The following SLC38A1 variants were observed in gnomAD, a reference collection of about 807,000 sequenced individuals.
The protein encoded by SLC38A1 is solute carrier family 38 member 1.
Under a neutral mutation model 60.3 loss-of-function variants are expected in SLC38A1, and 18 were observed. The observed-to-expected ratio is 0.30, with a 90% CI of 0.21 to 0.44. SLC38A1 has a LOEUF of 0.44. Among genes scored for constraint, SLC38A1 ranks in the 20% least tolerant of loss-of-function variants. The pLI is 1.00. For missense variants in SLC38A1, 448 were observed against 587.2 expected (o/e 0.76, Z 2.45); for synonymous variants, 196 against 212.1 (o/e 0.92, Z 0.66).
At chr12:46,191,386 T>C (rs1333708166) in intron 16 of SLC38A1, among the ~76,000 whole-genome samples, 3 of 152,244 alleles carry the variant, frequency 2.0e-5, no homozygotes, top group Non-Finnish European at 4.4e-5. Flanking sequence ...CAGCTTGTTC[T>C]TTTTGCATAG....
intron 6 of SLC38A1, 93 bp downstream of exon 6, chr12:46,208,961 A>G: frequency 1.2e-6 from 1 of 857,406 alleles, no homozygotes; most frequent in Non-Finnish European, 1.9e-6. Flanking sequence ...TAATAATCAA[A>G]TTGCTGTACA....
At chr12:46,196,184 C>A (rs1489709612) in intron 16 of SLC38A1, 11 of 1,535,962 alleles carry the variant, frequency 7.2e-6, no homozygotes, top group Non-Finnish European at 9.6e-6. Flanking sequence ...GTTCCTTGCG[C>A]TTGAGCATGT....
At chr12:46,204,154 C>T in intron 11 of SLC38A1, 147 bp downstream of exon 11, 1 of 654,388 alleles carries the variant, frequency 1.5e-6, no homozygotes, top group East Asian at 2.6e-5. Flanking sequence ...TCTCAAGGAT[C>T]TCTACATAGA....
At position 46,226,836 on chromosome 12, in the gene SLC38A1, G is replaced by A. The variant is rs149743398; in HGVS notation, c.314+2317C>T. On this transcript the variant is annotated intron_variant, in intron 5 of 16. Transcript: ENST00000398637. ...TTCACCATGTTGGCAAGGCTGGCCA[G>A]GCTGGTCTCAAACTGCCAGGTGATC... Among the ~76,000 whole-genome samples the A allele has an allele frequency of 1.6e-3, 243 of 152,126 alleles. 1 individual carries two copies. Among genetic ancestry groups the A allele is most frequent in the African/African-American group, 5.7e-3 (236 of 41,488 alleles).
intron 3 of SLC38A1, among the ~76,000 whole-genome samples, chr12:46,233,617 T>C (rs539212680): frequency 2.6e-5 from 4 of 152,250 alleles, no homozygotes; most frequent in African/African-American, 2.4e-5. Flanking sequence ...GGTCAAACAT[T>C]GTACAGTTGA....
At position 46,184,228 on chromosome 12, in the gene SLC38A1, C is replaced by T. The variant is rs1246547262; in HGVS notation, c.*4742G>A. ...TAGTTTTTAGTTGTTAGACACCCCA[C>T]CTTCAGCTTGTACCTGAAAGCTTTA... On this transcript the variant is annotated 3_prime_UTR_variant, in exon 17 of 17. Coordinates refer to ENST00000398637, the MANE Select transcript of SLC38A1 (RefSeq NM_030674.4). 2 of 152,280 alleles carry T rather than the reference C, an allele frequency of 1.3e-5. No homozygotes were observed. Among genetic ancestry groups the T allele is most frequent in the African/African-American group, 2.4e-5 (1 of 41,446 alleles). 9.4% of individuals were successfully genotyped at this position (152,280 alleles called of 1,614,324 possible).
At chr12:46,198,178 T>G in intron 14 of SLC38A1, 118 bp from the exon 15 acceptor site, 4 of 1,093,206 alleles carry the variant, frequency 3.7e-6, no homozygotes, top group Non-Finnish European at 5.2e-6. Context: ...TTGTAATGCC[T>G]AGTGAATTTA....
At chr12:46,255,132 A>G (rs1478735838) in intron 1 of SLC38A1, among the ~76,000 whole-genome samples, 1 of 152,236 alleles carries the variant, frequency 6.6e-6, no homozygotes, top group East Asian at 1.9e-4. Context: ...CTTGCATTTT[A>G]GAACATCTGT....
At chr12:46,245,678 G>A (rs1941591832) in intron 1 of SLC38A1, among the ~76,000 whole-genome samples, 1 of 152,126 alleles carries the variant, frequency 6.6e-6, no homozygotes, top group African/African-American at 2.4e-5. Flanking sequence ...AGCCTGGGGA[G>A]GTCAAGACTC....
intron 12 of SLC38A1, among the ~76,000 whole-genome samples, chr12:46,202,202 AAAT>A (rs144451047): frequency 0.39 from 56,181 of 143,778 alleles, 11,905 homozygotes; most frequent in African/African-American, 0.63. Context: ...AAAAAAAAAA[AAAT>A]AAATAAAGAA....
intron 2 of SLC38A1, among the ~76,000 whole-genome samples, chr12:46,242,778 G>A (rs1405866517): frequency 6.6e-6 from 1 of 151,898 alleles, no homozygotes; most frequent in Non-Finnish European, 1.5e-5. Context: ...CTCCAACCTG[G>A]GCAACAGAGT....
At chr12:46,191,288 C>T (rs2136851075) in intron 16 of SLC38A1, among the ~76,000 whole-genome samples, 1 of 152,194 alleles carries the variant, frequency 6.6e-6, no homozygotes, top group Non-Finnish European at 1.5e-5. Flanking sequence ...TTCCATTGGT[C>T]CATATTATCT....
chr12:46,226,084 T>A (rs188538054), intron 5 of SLC38A1, among the ~76,000 whole-genome samples: 6 of 152,360 alleles, frequency 3.9e-5, no homozygotes, highest in Admixed American at 3.3e-4. Flanking sequence ...GGAACTGTTG[T>A]TGACTTGTTT....
At chr12:46,252,609 A>T (rs1289782491) in intron 1 of SLC38A1, among the ~76,000 whole-genome samples, 1 of 151,958 alleles carries the variant, frequency 6.6e-6, no homozygotes, top group Non-Finnish European at 1.5e-5. Context: ...AATGTTAGAA[A>T]ATACAATTTT....
intron 16 of SLC38A1, among the ~76,000 whole-genome samples, chr12:46,194,337 C>T (rs1939274072): frequency 6.6e-6 from 1 of 152,162 alleles, no homozygotes; most frequent in Non-Finnish European, 1.5e-5. Context: ...TTGTAGGTAA[C>T]CCAACCTCTC....
intron 16 of SLC38A1, among the ~76,000 whole-genome samples, chr12:46,191,011 T>G (rs1317845889): frequency 3.9e-5 from 6 of 152,112 alleles, no homozygotes; most frequent in Non-Finnish European, 7.4e-5. Context: ...TTTGCCCATA[T>G]CTATGTCCTG....
chr12:46,202,918 C>T, intron 12 of SLC38A1, 92 bp downstream of exon 12: 1 of 877,942 alleles, frequency 1.1e-6, no homozygotes, highest in South Asian at 1.6e-5. Flanking sequence ...CGCTGACGTT[C>T]ATTAGACAAG....
rs765871630 is a variant in SLC38A1, at chr12:46,197,964, A to G, written c.1219T>C (p.Leu407=). 1 of 1,614,124 alleles carries G rather than the reference A, an allele frequency of 6.2e-7. No individual in the cohort carries two copies. Among genetic ancestry groups the G allele is most frequent in the African/African-American group, 1.3e-5 (1 of 75,064 alleles). Reference sequence around the variant, plus strand: ...TTCATGGAGGGTATGAAGATCACCAACAAGTTGATAACAACCAAGAGTATG... The same window carrying G: ...TTCATGGAGGGTATGAAGATCACCAGCAAGTTGATAACAACCAAGAGTATG... ...TCILLVVINL[L]VIFIPSMKDI... is the part of the protein sequence containing the mutation. The change falls in exon 15 of 17, where the codon TTG becomes CTG. Residue 407 remains leucine (L), a synonymous_variant. Coordinates refer to ENST00000398637, the MANE Select transcript of SLC38A1 (RefSeq NM_030674.4).
At chr12:46,216,117 C>T (rs960471704) in intron 5 of SLC38A1, among the ~76,000 whole-genome samples, 3 of 152,118 alleles carry the variant, frequency 2.0e-5, no homozygotes, top group Admixed American at 2.0e-4. Flanking sequence ...TCTAGTCTAC[C>T]TTTCTCAAGG....
Sources: gnomAD v4.1 joint callset for allele counts (sites outside exome capture counted in the v4.1 genomes callset) on GRCh38, gnomAD v4.1.1 for gene constraint, MANE v1.5 for transcripts, NCBI Gene and HGNC (gene_info 2026-07-23, HGNC 2026-07-21) for gene names.